ANKRD42: variants seen among roughly 807,000 people sequenced by gnomAD.
ANKRD42 encodes ankyrin repeat domain-containing protein 42.
A neutral mutation model predicts 51.5 loss-of-function variants in ANKRD42; 43 were observed. The observed-to-expected ratio is 0.83, with a 90% CI of 0.65 to 1.08. The LOEUF (loss-of-function observed/expected upper bound fraction) is 1.08, where lower values mean the gene tolerates loss of function less well. Ranked by LOEUF, ANKRD42 falls within the 50% of genes least tolerant of loss-of-function variation. The pLI, the probability that ANKRD42 is intolerant of heterozygous loss-of-function variation, is 0.00. For synonymous variants in ANKRD42, 203 were observed against 213.0 expected, an observed-to-expected ratio of 0.95 and a Z score of 0.41; for missense variants, 608 against 629.3, an observed-to-expected ratio of 0.97 and a Z score of 0.36.
chr11:83,203,933 T>A (rs1156843157), intron 2 of ANKRD42, among the ~76,000 whole-genome samples: 1 of 152,106 alleles, frequency 6.6e-6, no homozygotes, highest in Non-Finnish European at 1.5e-5. Context: ...GGTTCGGTTC[T>A]CTTCTCTCTT....
At chr11:83,237,070 G>T (rs930763709) in intron 8 of ANKRD42, among the ~76,000 whole-genome samples, 3 of 152,186 alleles carry the variant, frequency 2.0e-5, no homozygotes, top group Non-Finnish European at 4.4e-5. Flanking sequence ...TCGTTTGGTT[G>T]TTCTTTCATT....
chr11:83,258,510 C>T (rs948064536), downstream of ANKRD42, among the ~76,000 whole-genome samples: 3 of 152,108 alleles, frequency 2.0e-5, no homozygotes, highest in African/African-American at 7.2e-5. Flanking sequence ...CTGTGACTTA[C>T]TTGCTGGGGG....
chr11:83,218,093 CTG>C (rs1172386734), intron 5 of ANKRD42, among the ~76,000 whole-genome samples: 1 of 152,210 alleles, frequency 6.6e-6, no homozygotes, highest in African/African-American at 2.4e-5. Flanking sequence ...TCCAGGGAAT[CTG>C]GAGTTAGGGA....
intron 2 of ANKRD42, among the ~76,000 whole-genome samples, chr11:83,202,751 A>G (rs1351532996): frequency 6.6e-6 from 1 of 152,158 alleles, no homozygotes; most frequent in African/African-American, 2.4e-5. Flanking sequence ...AATTTTAAAA[A>G]GTGTATAACT....
At chr11:83,219,657 T>C (rs1222397796) in intron 5 of ANKRD42, among the ~76,000 whole-genome samples, 1 of 152,212 alleles carries the variant, frequency 6.6e-6, no homozygotes, top group African/African-American at 2.4e-5. Flanking sequence ...AGTTATTGAA[T>C]GGTCGAAACA....
chr11:83,245,859 A>G (rs1231536055), intron 10 of ANKRD42, among the ~76,000 whole-genome samples: 1 of 152,228 alleles, frequency 6.6e-6, no homozygotes, highest in African/African-American at 2.4e-5. Context: ...AGTAGTGTTA[A>G]GTACATTCCC....
intron 9 of ANKRD42, among the ~76,000 whole-genome samples, chr11:83,244,775 G>T (rs778511026): frequency 6.6e-6 from 1 of 152,158 alleles, no homozygotes; most frequent in Non-Finnish European, 1.5e-5. Context: ...TCTTGCATAG[G>T]TACTACAAGT....
chr11:83,257,695 T>C (rs1397650348), downstream of ANKRD42, among the ~76,000 whole-genome samples: 1 of 152,216 alleles, frequency 6.6e-6, no homozygotes, highest in Admixed American at 6.5e-5. Context: ...CAGCCTTACT[T>C]TTCCCCTCTA....
downstream of ANKRD42, chr11:83,261,290 C>G (rs1213817272): frequency 6.6e-6 from 1 of 152,140 alleles, no homozygotes; most frequent in African/African-American, 2.4e-5. Context: ...TGGTCTAGAA[C>G]TCCTGACCTC....
At position 83,194,436 on chromosome 11, in the gene ANKRD42, C is replaced by G. The variant is rs1861544287; in HGVS notation, c.-235C>G. On this transcript the variant is annotated 5_prime_UTR_variant, in exon 1 of 11. Coordinates refer to ENST00000533342, the MANE Select transcript of ANKRD42 (RefSeq NM_001300975.2). Reference sequence around the variant, plus strand: ...CAGCCAGCGACTCCTCTGGTGTGAGCGGCAGTGAAGACGCCAGCTACCGCT... The same window carrying G: ...CAGCCAGCGACTCCTCTGGTGTGAGGGGCAGTGAAGACGCCAGCTACCGCT... 1 of 690,636 alleles carries G rather than the reference C, an allele frequency of 1.4e-6. No homozygotes were observed. The highest frequency in any genetic ancestry group is 2.6e-6 in the Non-Finnish European group (1 of 377,632). 42.8% of individuals were successfully genotyped at this position (690,636 alleles called of 1,614,324 possible).
chr11:83,198,422 C>CTT, intron 1 of ANKRD42, 57 bp from the exon 2 acceptor site: 7 of 1,479,526 alleles, frequency 4.7e-6, no homozygotes, highest in South Asian at 1.3e-5. Flanking sequence ...CTGTTTTAGT[C>CTT]TTTTTTTTTC....
chr11:83,230,209 G>T (rs1863024835), intron 7 of ANKRD42, among the ~76,000 whole-genome samples: 1 of 152,026 alleles, frequency 6.6e-6, no homozygotes, highest in African/African-American at 2.4e-5. Context: ...ATGCTACTAT[G>T]CCTGGCTAAT....
intron 5 of ANKRD42, chr11:83,213,288 A>C (rs772535105): frequency 1.9e-6 from 3 of 1,593,338 alleles, no homozygotes; most frequent in Non-Finnish European, 2.6e-6. Context: ...AACAGATCTT[A>C]CTGTGCTGAG....
intron 1 of ANKRD42, among the ~76,000 whole-genome samples, chr11:83,196,457 A>G (rs910835942): frequency 1.3e-5 from 2 of 150,864 alleles, no homozygotes; most frequent in African/African-American, 4.9e-5. Flanking sequence ...CCTACTGTTC[A>G]TGCTGTTTAG....
chr11:83,227,311 C>A (rs181411052), intron 6 of ANKRD42, among the ~76,000 whole-genome samples: 16 of 152,006 alleles, frequency 1.1e-4, no homozygotes, highest in Admixed American at 7.2e-4. Context: ...CAGGGTTTCA[C>A]CATGTTGGCC....
chr11:83,212,806 G>T lies in ANKRD42; in HGVS notation c.586+1376G>T. ...GTTTTTTTCTGAAGGTCGTCTTTCA[G>T]TGTTCATTTAGTGAAGTCTTTTGGT... On this transcript the variant is annotated intron_variant, in intron 5 of 10. Coordinates refer to ENST00000533342, the MANE Select transcript of ANKRD42 (RefSeq NM_001300975.2). 3 of 1,483,144 alleles carry T rather than the reference G, an allele frequency of 2.0e-6. No individual in the cohort carries two copies. The South Asian group carries it at 3.9e-5, about 19-fold the overall frequency. 91.9% of individuals were successfully genotyped at this position (1,483,144 alleles called of 1,614,324 possible). A position where few individuals can be genotyped will look rare whatever the true frequency, so the allele number is the denominator to read the frequency against.
At chr11:83,249,369 G>A (rs765717831), downstream of ANKRD42, among the ~76,000 whole-genome samples, 2 of 152,094 alleles carry the variant, frequency 1.3e-5, no homozygotes, top group African/African-American at 2.4e-5. Flanking sequence ...AACACACCTG[G>A]CCAATTAGTT....
intron 5 of ANKRD42, among the ~76,000 whole-genome samples, chr11:83,215,915 CCT>C (rs1404229907): frequency 1.3e-5 from 2 of 152,090 alleles, no homozygotes; most frequent in African/African-American, 4.8e-5. Flanking sequence ...CCTGCCTTAG[CCT>C]CTCAAGTAGC....
rs756471184 is a variant in ANKRD42, at chr11:83,240,856, A to G, written c.1117A>G (p.Ile373Val). ...TGATGAAAATGATGTGAAATATTTT[A>G]TAAGACATGGTGTTGAGGGAAGCAC... ...EIDENDVKYF[I>V]RHGVEGSTDA... Residue 373 changes from isoleucine (I) to valine (V), a missense_variant, in exon 9 of 11, where the codon ATA becomes GTA. Ile to Val is a conservative substitution (Grantham distance 29). Coordinates refer to ENST00000533342, the MANE Select transcript of ANKRD42 (RefSeq NM_001300975.2). 1.2e-6 allele frequency: 2 copies of G among 1,614,154 alleles called. No homozygotes were observed. The highest frequency in any genetic ancestry group is 3.3e-5 in the Admixed American group (2 of 60,034).
Sources: allele counts gnomAD v4.1 joint callset (sites outside exome capture counted in the v4.1 genomes callset), GRCh38; gene constraint gnomAD v4.1.1; transcripts MANE v1.5; gene names NCBI Gene and HGNC (gene_info 2026-07-23, HGNC 2026-07-21).